INSC: variants seen among roughly 807,000 people sequenced by gnomAD.
The protein encoded by INSC is INSC spindle orientation adaptor protein, also known as protein inscuteable homolog.
In INSC, 67 loss-of-function variants were observed where a neutral mutation model predicts 58.6. The ratio of observed to expected loss-of-function variants is 1.14; its 90% CI spans 0.94 to 1.40. The LOEUF (loss-of-function observed/expected upper bound fraction) is 1.40. Ranked by LOEUF, INSC falls within the 40% of genes most tolerant of loss-of-function variation. The pLI is 0.00. For missense variants in INSC, 714 were observed against 692.0 expected (o/e 1.03, Z -0.36); for synonymous variants, 262 against 276.1 (o/e 0.95, Z 0.51).
chr11:15,264,768 A>T, the INSC span, among the ~76,000 whole-genome samples: 3 of 152,100 alleles, frequency 2.0e-5, no homozygotes, highest in Non-Finnish European at 4.4e-5. Context: ...GCTTAATTAC[A>T]TCTACTAGTA....
At chr11:15,223,511 T>C (rs1228686265) in intron 8 of INSC, among the ~76,000 whole-genome samples, 2 of 152,232 alleles carry the variant, frequency 1.3e-5, no homozygotes, top group African/African-American at 4.8e-5. Context: ...TTAATCTTCC[T>C]AACACATCCC....
At chr11:15,117,703 A>T (rs1265188694) in intron 1 of INSC, among the ~76,000 whole-genome samples, 1 of 152,224 alleles carries the variant, frequency 6.6e-6, no homozygotes, top group Admixed American at 6.5e-5. Flanking sequence ...GTCTCTGGGG[A>T]TGGGAATCAC....
At chr11:15,178,516 G>A (rs143241267) in intron 5 of INSC, 69 bp downstream of exon 5, 1,001 of 1,545,986 alleles carry the variant, frequency 6.5e-4, no homozygotes, top group Middle Eastern at 5.3e-3. Context: ...AGAAAGAGGG[G>A]CTGAGCCAGG....
In INSC at chr11:15,240,498, G is replaced by A. The variant is rs780694278; in HGVS notation, c.1445G>A (p.Ser482Asn). The A allele has an allele frequency of 4.0e-5, 64 of 1,613,730 alleles. 1 individual carries two copies. The South Asian group carries it at 7.0e-4, about 18-fold the overall frequency. Reference protein sequence around the residue: ...LCRSPSERNSSDAVLVACLAA... With the variant: ...LCRSPSERNSNDAVLVACLAA... ...AGATCCCCATCAGAGAGGAACAGCA[G>A]TGACGCCGTGCTTGTGGCCTGCCTG... The change falls in exon 12 of 13, where the codon AGT (serine) becomes AAT (asparagine). Residue 482 changes from serine to asparagine, a missense_variant. By Grantham distance (46) the Ser-to-Asn change is conservative. Transcript: ENST00000379556.
downstream of INSC, among the ~76,000 whole-genome samples, chr11:15,247,961 T>C (rs934159387): frequency 6.6e-5 from 10 of 152,162 alleles, no homozygotes; most frequent in African/African-American, 2.4e-4. Context: ...TTGTTCATTT[T>C]TGAGAAAATA....
chr11:15,245,970 A>G lies in INSC; in HGVS notation c.1529A>G (p.Gln510Arg). The change falls in exon 13 of 13, where the codon CAG becomes CGG. Residue 510 changes from glutamine to arginine, a missense_variant. Physicochemically the swap from Gln to Arg is conservative, Grantham distance 43 (BLOSUM62 1). Coordinates refer to ENST00000379556, the MANE Select transcript of INSC (RefSeq NM_001042536.3). ...GAAGGCCTCCAGGACTCTGACTTTC[A>G]GCAGTTGGTCCAGCCTCGGCTGGTG... ...CPEGLQDSDF[Q>R]QLVQPRLVDS... 1 of 1,614,164 alleles carries G rather than the reference A, an allele frequency of 6.2e-7. No individual in the cohort carries two copies. The highest frequency in any genetic ancestry group is 8.5e-7 in the Non-Finnish European group (1 of 1,180,020).
intron 2 of INSC, among the ~76,000 whole-genome samples, chr11:15,170,627 G>T (rs1460398810): frequency 6.6e-6 from 1 of 152,150 alleles, no homozygotes; most frequent in Non-Finnish European, 1.5e-5. Flanking sequence ...CGACTGCCAG[G>T]TTTCTCCACT....
At position 15,176,024 on chromosome 11, in the gene INSC, G is replaced by C; in HGVS notation, c.340G>C (p.Ala114Pro). 6.3e-7 allele frequency: 1 copy of C among 1,585,808 alleles called. No individual in the cohort carries two copies. Among genetic ancestry groups the C allele is most frequent in the Non-Finnish European group, 8.6e-7 (1 of 1,163,368 alleles). Residue 114 changes from alanine to proline, a missense_variant, in exon 3 of 13, where the codon GCC (alanine) becomes CCC (proline). Physicochemically the swap from Ala to Pro is conservative, Grantham distance 27 (BLOSUM62 -1). Transcript: ENST00000379556. ...HSMSVRLTCH[A>P]RSMVSEYSAV... ...CATGAGCGTGCGTCTGACCTGCCAT[G>C]CCCGCTCCATGGTCAGCGAGTACAG...
chr11:15,136,202 G>A (rs1160700920), intron 1 of INSC, among the ~76,000 whole-genome samples: 1 of 152,130 alleles, frequency 6.6e-6, no homozygotes, highest in Non-Finnish European at 1.5e-5. Context: ...TATATTAAGT[G>A]TGAAATAAAA....
chr11:15,142,795 CT>C lies in INSC; in HGVS notation c.-45-6324del, dbSNP rs1336767275. Among the ~76,000 whole-genome samples, 180 of 142,828 alleles carry C rather than the reference CT, an allele frequency of 1.3e-3. 1 individual carries two copies. The highest frequency in any genetic ancestry group is 3.6e-3 in the Admixed American group (52 of 14,294). 93.7% of individuals were successfully genotyped at this position (142,828 alleles called of 152,430 possible). On this transcript the variant is annotated intron_variant, in intron 1 of 12. Transcript: ENST00000379556. ...TGGATATTAGGATGCAGAGCACTTT[CT>C]TTTTTTTTTTGTTTTTTTGTATATA...
chr11:15,121,551 C>A (rs908227671), intron 1 of INSC, among the ~76,000 whole-genome samples: 10 of 152,174 alleles, frequency 6.6e-5, no homozygotes, highest in African/African-American at 2.4e-4. Context: ...ATAATGTCTG[C>A]CAGTTTCTCC....
At chr11:15,119,871 A>C (rs1183027857) in intron 1 of INSC, among the ~76,000 whole-genome samples, 1 of 152,212 alleles carries the variant, frequency 6.6e-6, no homozygotes, top group Non-Finnish European at 1.5e-5. Context: ...GGTTCCTCAT[A>C]AGGCAATGTG....
intron 1 of INSC, among the ~76,000 whole-genome samples, chr11:15,148,117 T>C (rs1320680115): frequency 6.6e-6 from 1 of 152,218 alleles, no homozygotes; most frequent in Non-Finnish European, 1.5e-5. Flanking sequence ...TGGGTTTAAA[T>C]GTGAGGCACA....
downstream of INSC, among the ~76,000 whole-genome samples, chr11:15,250,894 T>G (rs1852643295): frequency 6.6e-6 from 1 of 152,232 alleles, no homozygotes; most frequent in Admixed American, 6.5e-5. Flanking sequence ...CAAAATCTGC[T>G]TCTCCATAAA....
chr11:15,188,361 A>G (rs1042526114), intron 5 of INSC: 49 of 985,272 alleles, frequency 5.0e-5, no homozygotes, highest in Non-Finnish European at 5.5e-5. Flanking sequence ...ATTAAAGGAG[A>G]TGGATTTCCT....
At chr11:15,112,204 G>T (rs59568275), upstream of INSC, among the ~76,000 whole-genome samples, 2 of 152,190 alleles carry the variant, frequency 1.3e-5, no homozygotes, top group African/African-American at 2.4e-5. Context: ...TAGGGCCGGC[G>T]CCGGGGATGG....
chr11:15,113,940 A>G (rs78027677), upstream of INSC, among the ~76,000 whole-genome samples: 5,023 of 152,234 alleles, frequency 0.033, 296 homozygotes, highest in African/African-American at 0.11. Context: ...TATTGTGAGC[A>G]AATTGACATA....
chr11:15,120,672 A>G (rs1011513119), intron 1 of INSC, among the ~76,000 whole-genome samples: 4 of 152,170 alleles, frequency 2.6e-5, no homozygotes, highest in Non-Finnish European at 2.9e-5. Context: ...GGAGCTTTGT[A>G]TGGAGTCTGG....
chr11:15,183,428 T>C (rs1030316007), intron 5 of INSC, among the ~76,000 whole-genome samples: 1 of 96,460 alleles, frequency 1.0e-5, no homozygotes, highest in African/African-American at 3.3e-5. Context: ...AATTCAGATA[T>C]ATTGTAGTGT....
Sources: allele counts gnomAD v4.1 joint callset (sites outside exome capture counted in the v4.1 genomes callset), GRCh38; gene constraint gnomAD v4.1.1; transcripts MANE v1.5; gene names NCBI Gene and HGNC (gene_info 2026-07-23, HGNC 2026-07-21).